The following ADAMTS6 variants were observed in gnomAD, a reference collection of about 807,000 sequenced individuals.
ADAMTS6 encodes ADAM metallopeptidase with thrombospondin type 1 motif 6, also known as A disintegrin and metalloproteinase with thrombospondin motifs 6.
ADAMTS6 carries 23 observed loss-of-function variants against 144.3 expected under a neutral mutation model. That is an observed-to-expected ratio of 0.16 (90% confidence interval 0.11 to 0.23). The LOEUF (loss-of-function observed/expected upper bound fraction) is 0.23, where lower values mean the gene tolerates loss of function less well. Among genes scored for constraint, ADAMTS6 ranks in the 10% least tolerant of loss-of-function variants. The probability of loss-of-function intolerance (pLI) is 1.00; values close to 1 mark genes in which losing one functional copy is unlikely to be tolerated. For missense variants in ADAMTS6, 999 were observed against 1,379.6 expected (o/e 0.72, Z 4.37); for synonymous variants, 444 against 457.5 (o/e 0.97, Z 0.38).
chr5:65,221,597 C>T (rs968135318), intron 18 of ADAMTS6, among the ~76,000 whole-genome samples: 2 of 152,082 alleles, frequency 1.3e-5, no homozygotes, highest in Admixed American at 1.3e-4. Context: ...CAAAAGGCTG[C>T]CTAGTCTCCT....
intron 16 of ADAMTS6, 36 bp from the exon 17 acceptor site, chr5:65,225,083 A>C: frequency 6.3e-7 from 1 of 1,593,008 alleles, no homozygotes; most frequent in Non-Finnish European, 8.5e-7. Context: ...GTGTCAAGAG[A>C]GAAATTCTTG....
intron 10 of ADAMTS6, among the ~76,000 whole-genome samples, chr5:65,293,798 A>G (rs892655645): frequency 5.9e-5 from 9 of 152,080 alleles, no homozygotes; most frequent in Non-Finnish European, 1.2e-4. Flanking sequence ...GTTTATCCCA[A>G]AAGTGTATTT....
intron 24 of ADAMTS6, among the ~76,000 whole-genome samples, chr5:65,157,929 C>T (rs1752525566): frequency 1.3e-5 from 2 of 152,194 alleles, no homozygotes; most frequent in Admixed American, 6.5e-5. Flanking sequence ...TATCAGCTAT[C>T]GAACTTTACA....
chr5:65,463,074 G>A (rs1372171776), intron 3 of ADAMTS6, among the ~76,000 whole-genome samples: 4 of 122,854 alleles, frequency 3.3e-5, no homozygotes, highest in South Asian at 2.8e-4. Flanking sequence ...GCAAGACTCC[G>A]TCTAAAAAAA....
At chr5:65,249,854 C>T (rs1220978455) in intron 14 of ADAMTS6, among the ~76,000 whole-genome samples, 1 of 152,208 alleles carries the variant, frequency 6.6e-6, no homozygotes, top group African/African-American at 2.4e-5. Flanking sequence ...GCAACTCTCC[C>T]TGAGGGCAAG....
intron 3 of ADAMTS6, among the ~76,000 whole-genome samples, chr5:65,461,543 C>T (rs1759642918): frequency 6.6e-6 from 1 of 152,186 alleles, no homozygotes; most frequent in African/African-American, 2.4e-5. Flanking sequence ...GAGGACTGCT[C>T]TTAATCCAAC....
At chr5:65,194,373 A>G (rs539673377) in intron 21 of ADAMTS6, among the ~76,000 whole-genome samples, 1 of 152,360 alleles carries the variant, frequency 6.6e-6, no homozygotes, top group African/African-American at 2.4e-5. Context: ...CAGCTACGCT[A>G]TCATGAGCGT....
chr5:65,250,582 C>G (rs1760071861), intron 14 of ADAMTS6, among the ~76,000 whole-genome samples: 1 of 152,130 alleles, frequency 6.6e-6, no homozygotes, highest in African/African-American at 2.4e-5. Context: ...AACCCTTTTC[C>G]TCCATATATT....
intron 7 of ADAMTS6, among the ~76,000 whole-genome samples, chr5:65,438,858 T>A (rs1182297511): frequency 1.3e-5 from 2 of 152,196 alleles, no homozygotes; most frequent in Admixed American, 1.3e-4. Flanking sequence ...TTGGCAGAAA[T>A]AAACTATCAA....
chr5:65,216,422 G>C (rs1756921759), intron 18 of ADAMTS6, among the ~76,000 whole-genome samples: 1 of 151,080 alleles, frequency 6.6e-6, no homozygotes, highest in Non-Finnish European at 1.5e-5. Context: ...TAGTTGCCAG[G>C]GGATGGGGAA....
intron 3 of ADAMTS6, among the ~76,000 whole-genome samples, chr5:65,465,728 A>C (rs973339622): frequency 6.6e-6 from 1 of 152,190 alleles, no homozygotes. Context: ...CATCAGCAGC[A>C]CTTTCCTCTT....
chr5:65,173,889 G>A (rs968110200), intron 22 of ADAMTS6, among the ~76,000 whole-genome samples: 17 of 152,060 alleles, frequency 1.1e-4, no homozygotes, highest in African/African-American at 3.9e-4. Flanking sequence ...TGGGTGTGGT[G>A]GTGTGTGTCT....
At position 65,224,644 on chromosome 5, in the gene ADAMTS6, T is replaced by C. The variant is rs76091711; in HGVS notation, c.2192-244A>G. Among the ~76,000 whole-genome samples the C allele has an allele frequency of 5.5e-3, 843 of 152,314 alleles. 10 individuals carry two copies. The highest frequency in any genetic ancestry group is 0.019 in the African/African-American group (792 of 41,570). On this transcript the variant is annotated intron_variant, in intron 17 of 24. Transcript: ENST00000381055. ...TAAAAGCCTCAACACGAATAATGGT[T>C]CCTTTTCTTCCTCAGCACATGCCCC...
rs755995927 is a variant in ADAMTS6, at chr5:65,471,025, C to T, written c.215G>A (p.Ser72Asn). The T allele has an allele frequency of 1.1e-5, 18 of 1,612,682 alleles. No individual in the cohort carries two copies. Among genetic ancestry groups the T allele is most frequent in the Non-Finnish European group, 1.5e-5 (18 of 1,179,566 alleles). Residue 72 changes from serine to asparagine, a missense_variant, in exon 3 of 25, where the codon AGT becomes AAT. Transcript: ENST00000381055. ...CTGCTGTGGATCAATAGGGTCCATACTCCGTCTTCTCCTTGAGTGTTTATC... is the reference window on the plus strand; with the variant it reads ...CTGCTGTGGATCAATAGGGTCCATATTCCGTCTTCTCCTTGAGTGTTTATC... ...KNDKHSRRRRSMDPIDPQQAV... is the reference protein window; with the variant it reads ...KNDKHSRRRRNMDPIDPQQAV...
chr5:65,155,140 T>C (rs1752338566), intron 24 of ADAMTS6, among the ~76,000 whole-genome samples: 1 of 152,188 alleles, frequency 6.6e-6, no homozygotes, highest in Non-Finnish European at 1.5e-5. Context: ...TTTATTCTCT[T>C]TTAACTCCAC....
intron 9 of ADAMTS6, among the ~76,000 whole-genome samples, chr5:65,300,650 G>A (rs1454817897): frequency 7.0e-6 from 1 of 143,452 alleles, no homozygotes; most frequent in African/African-American, 2.7e-5. Context: ...TTTTTTTTTT[G>A]AGACGCAGTC....
At chr5:65,436,606 T>G (rs1218534667) in intron 7 of ADAMTS6, among the ~76,000 whole-genome samples, 1 of 151,892 alleles carries the variant, frequency 6.6e-6, no homozygotes, top group Non-Finnish European at 1.5e-5. Flanking sequence ...GAGGCCGAGG[T>G]GGGTGGATCA....
In ADAMTS6 at chr5:65,224,978, C is replaced by G. The variant is rs777322496; in HGVS notation, c.2137G>C (p.Gly713Arg). Residue 713 changes from glycine to arginine, a missense_variant, in exon 17 of 25, where the codon GGA (glycine) becomes CGA (arginine). Physicochemically the swap from Gly to Arg is moderately radical, Grantham distance 125 (BLOSUM62 -2). This residue lies in a region of ADAMTS6 where 619 missense variants were observed against 837.0 expected (regional missense o/e 0.74). Coordinates refer to ENST00000381055, the MANE Select transcript of ADAMTS6 (RefSeq NM_197941.4). Reference sequence around the variant, plus strand: ...CCTTCAATGGCATCACATGTGCTTCCGTCCCCTCCACAGACTCGACATCTA... The same window carrying G: ...CCTTCAATGGCATCACATGTGCTTCGGTCCCCTCCACAGACTCGACATCTA... The part of the protein sequence containing the change: ...EDRCRVCGGD[G>R]STCDAIEGFF... 4 of 1,614,044 alleles carry G rather than the reference C, an allele frequency of 2.5e-6. No individual in the cohort carries two copies. Among genetic ancestry groups the G allele is most frequent in the Non-Finnish European group, 3.4e-6 (4 of 1,179,988 alleles).
intron 24 of ADAMTS6, among the ~76,000 whole-genome samples, chr5:65,154,178 A>C (rs1287708956): frequency 6.6e-6 from 1 of 152,246 alleles, no homozygotes; most frequent in Non-Finnish European, 1.5e-5. Flanking sequence ...ACTTCACTCC[A>C]GCCTGGGCGA....
Sources: allele counts gnomAD v4.1 joint callset (sites outside exome capture counted in the v4.1 genomes callset), GRCh38; gene constraint gnomAD v4.1.1; regional missense constraint gnomAD v4.1.1; transcripts MANE v1.5; gene names NCBI Gene and HGNC (gene_info 2026-07-23, HGNC 2026-07-21).